Variants in DNAJC7 observed in about 807,000 individuals in gnomAD.
DNAJC7 encodes dnaJ homolog subfamily C member 7.
DNAJC7 carries 18 observed loss-of-function variants against 67.4 expected under a neutral mutation model. That is an observed-to-expected ratio of 0.27 (90% CI 0.18 to 0.40). The LOEUF (loss-of-function observed/expected upper bound fraction) is 0.40, where lower values mean the gene tolerates loss of function less well. DNAJC7 is among the 10% of genes least tolerant of loss of function. The probability of loss-of-function intolerance (pLI) is 1.00; values close to 1 mark genes in which losing one functional copy is unlikely to be tolerated. For synonymous variants in DNAJC7, 220 were observed against 207.8 expected (o/e 1.06, Z -0.50); for missense variants, 419 against 613.8 (o/e 0.68, Z 3.35).
intron 10 of DNAJC7, among the ~76,000 whole-genome samples, chr17:41,983,204 A>G (rs987429205): frequency 1.3e-5 from 2 of 151,886 alleles, no homozygotes; most frequent in East Asian, 3.9e-4. Context: ...AGCTCACTGC[A>G]ACCTCCGCCT....
At chr17:41,989,696 T>C in intron 6 of DNAJC7, 139 bp from the exon 7 acceptor site, 2 of 1,042,582 alleles carry the variant, frequency 1.9e-6, no homozygotes, top group Non-Finnish European at 2.8e-6. Context: ...CCAAGAACTG[T>C]TCCCAAACTT....
At chr17:41,983,694 G>C in intron 9 of DNAJC7, 58 bp from the exon 10 acceptor site, 1 of 1,484,958 alleles carries the variant, frequency 6.7e-7, no homozygotes, top group Non-Finnish European at 9.2e-7. Flanking sequence ...TGGTTCTCAG[G>C]ATCACTCTAG....
intron 13 of DNAJC7, chr17:41,977,019 G>A (rs1208883831): frequency 3.1e-6 from 2 of 641,498 alleles, no homozygotes; most frequent in East Asian, 2.7e-5. Flanking sequence ...CTTGGTACTA[G>A]GCAGTTAGAG....
chr17:41,990,501 A>T (rs1598128270), intron 5 of DNAJC7, 119 bp from the exon 6 acceptor site: 2 of 776,966 alleles, frequency 2.6e-6, no homozygotes, highest in East Asian at 5.4e-5. Flanking sequence ...TCCACTTCTA[A>T]GTAATATCAA....
Position 41,996,391 on chromosome 17 carries a change from G to A in DNAJC7, c.325C>T (p.Leu109=). 1 of 1,614,014 alleles carries A rather than the reference G, an allele frequency of 6.2e-7. No individual in the cohort carries two copies. The highest frequency in any genetic ancestry group is 8.5e-7 in the Non-Finnish European group (1 of 1,179,896). The change falls in exon 4 of 14, where the codon CTG becomes TTG. Residue 109 remains leucine, a synonymous_variant. Transcript: ENST00000457167. ...HLREGKCHLS[L]GNAMAACRSF... ...CGACATGCTGCCATGGCATTCCCCA[G>A]AGAGAGGTGGCACTTGCCCTCTCGT...
At chr17:41,990,459 T>C in intron 5 of DNAJC7, 77 bp from the exon 6 acceptor site, 1 of 1,282,328 alleles carries the variant, frequency 7.8e-7, no homozygotes, top group Non-Finnish European at 1.1e-6. Flanking sequence ...TAGTCACAGG[T>C]AACAGACTCA....
intron 12 of DNAJC7, among the ~76,000 whole-genome samples, chr17:41,980,411 A>G (rs2051218827): frequency 6.6e-6 from 1 of 151,734 alleles, no homozygotes; most frequent in Admixed American, 6.6e-5. Flanking sequence ...TTTGAGATGG[A>G]GTCGCACTCT....
chr17:41,983,091 C>G (rs1046050387), intron 10 of DNAJC7, among the ~76,000 whole-genome samples: 2 of 152,006 alleles, frequency 1.3e-5, no homozygotes, highest in African/African-American at 4.8e-5. Flanking sequence ...GCCTCATGCC[C>G]CAACCCAAGA....
intron 1 of DNAJC7, among the ~76,000 whole-genome samples, chr17:42,002,429 GTC>G (rs2143283932): frequency 1.3e-5 from 2 of 152,308 alleles, no homozygotes; most frequent in African/African-American, 4.8e-5. Flanking sequence ...GGTGCCCCTA[GTC>G]TCCTCCTTCC....
chr17:42,007,639 TC>T (rs2052002171), intron 1 of DNAJC7, among the ~76,000 whole-genome samples: 1 of 151,894 alleles, frequency 6.6e-6, no homozygotes, highest in African/African-American at 2.4e-5. Context: ...TTCTTGTGCC[TC>T]AGCCTCCCTG....
intron 9 of DNAJC7, among the ~76,000 whole-genome samples, chr17:41,987,043 C>T (rs1802195524): frequency 6.6e-6 from 1 of 152,110 alleles, no homozygotes; most frequent in African/African-American, 2.4e-5. Flanking sequence ...TTTTCTCCGC[C>T]TAGAGAATAA....
At chr17:41,980,052 C>CTT (rs111374192) in intron 12 of DNAJC7, among the ~76,000 whole-genome samples, 9 of 136,702 alleles carry the variant, frequency 6.6e-5, no homozygotes, top group East Asian at 2.1e-4. Context: ...GTCAGGTCCT[C>CTT]TTTTTTTTTT....
chr17:42,009,362 C>T (rs1598152598), intron 1 of DNAJC7, among the ~76,000 whole-genome samples: 2 of 152,322 alleles, frequency 1.3e-5, no homozygotes, highest in East Asian at 3.9e-4. Context: ...ACTGTCTACA[C>T]AAAGCAGCAG....
At chr17:42,012,341 G>C (rs1360141955) in intron 1 of DNAJC7, among the ~76,000 whole-genome samples, 2 of 152,126 alleles carry the variant, frequency 1.3e-5, no homozygotes, top group African/African-American at 4.8e-5. Flanking sequence ...AAATTAGCTG[G>C]GTGTGGTGGC....
intron 5 of DNAJC7, among the ~76,000 whole-genome samples, chr17:41,993,407 C>T (rs1466399648): frequency 2.6e-5 from 4 of 152,192 alleles, no homozygotes; most frequent in Admixed American, 6.5e-5. Context: ...TGCAGTGAGC[C>T]GAGATCCCGC....
intron 7 of DNAJC7, 56 bp from the exon 8 acceptor site, chr17:41,988,952 GCA>G: frequency 6.3e-7 from 1 of 1,580,362 alleles, no homozygotes; most frequent in Non-Finnish European, 8.6e-7. Flanking sequence ...TCAGACCATT[GCA>G]CAGAGAGGCC....
intron 11 of DNAJC7, 79 bp downstream of exon 11, chr17:41,982,176 G>T: frequency 6.3e-7 from 1 of 1,579,272 alleles, no homozygotes; most frequent in South Asian, 1.2e-5. Context: ...TCTCCAAGGG[G>T]TCCCCTCTGG....
At position 41,982,241 on chromosome 17, in the gene DNAJC7, C is replaced by A. The variant is rs782630260; in HGVS notation, c.1231+14G>T. On this transcript the variant is annotated intron_variant, in intron 11 of 13. Transcript: ENST00000457167. Reference sequence around the variant, plus strand: ...GGTTCTTCCCACTGAGCCCACTCCCCGCACCTACTCTACCTGGATGGTGCA... The same window carrying A: ...GGTTCTTCCCACTGAGCCCACTCCCAGCACCTACTCTACCTGGATGGTGCA... 2 of 1,613,802 alleles carry A rather than the reference C, an allele frequency of 1.2e-6. No homozygotes were observed. The highest frequency in any genetic ancestry group is 2.2e-5 in the East Asian group (1 of 44,864).
At chr17:41,982,430 C>T in intron 10 of DNAJC7, 29 bp from the exon 11 acceptor site, 2 of 1,610,682 alleles carry the variant, frequency 1.2e-6, no homozygotes, top group Admixed American at 1.7e-5. Flanking sequence ...CATCAGTGGA[C>T]AAATCTGACT....
Sources: gnomAD v4.1 joint callset for allele counts (sites outside exome capture counted in the v4.1 genomes callset) on GRCh38, gnomAD v4.1.1 for gene constraint, MANE v1.5 for transcripts, NCBI Gene and HGNC (gene_info 2026-07-23, HGNC 2026-07-21) for gene names.